Variants in PHIP observed in about 807,000 individuals in gnomAD.
PHIP encodes the protein PHIP subunit of CUL4-Ring ligase complex.
A neutral mutation model predicts 236.8 loss-of-function variants in PHIP; 54 were observed. The observed-to-expected ratio is 0.23, with a 90% CI of 0.18 to 0.29. The LOEUF (loss-of-function observed/expected upper bound fraction) is 0.29, where lower values mean the gene tolerates loss of function less well. Among genes scored for constraint, PHIP ranks in the 10% least tolerant of loss-of-function variants. The probability of loss-of-function intolerance (pLI) is 1.00; values close to 1 mark genes in which losing one functional copy is unlikely to be tolerated. For synonymous variants in PHIP, 756 were observed against 718.9 expected, an observed-to-expected ratio of 1.05 and a Z score of -0.83; for missense variants, 1,370 against 2,190.8, an observed-to-expected ratio of 0.63 and a Z score of 7.48.
In PHIP at chr6:79,039,515, T is replaced by C. The variant is rs116342753; in HGVS notation, c.600+3328A>G. Among the ~76,000 whole-genome samples, 892 of 152,272 alleles carry C rather than the reference T, an allele frequency of 5.9e-3. 4 individuals carry two copies. Among genetic ancestry groups the C allele is most frequent in the African/African-American group, 0.02 (822 of 41,564 alleles). On this transcript the variant is annotated intron_variant, in intron 7 of 39. Transcript: ENST00000275034. ...TCAAGGTTTTATCACATTATATCAA[T>C]ATTGTTTGTTTACCATCTGTGAACT...
rs530352454 is a variant in PHIP, at chr6:78,949,770, T to C, written c.4054-1995A>G. Among the ~76,000 whole-genome samples, 3 of 152,078 alleles carry C rather than the reference T, an allele frequency of 2.0e-5. No individual in the cohort carries two copies. In the South Asian group the frequency reaches 6.2e-4, roughly 32 times the overall value. On this transcript the variant is annotated intron_variant, in intron 35 of 39. Coordinates refer to ENST00000275034, the MANE Select transcript of PHIP (RefSeq NM_017934.7). ...GTGGTATCATCTTGGCTCACTGCAA[T>C]GTCTACCTCCCAGGCTCAAGCAATC...
At chr6:79,067,298 CT>C (rs1160415613) in intron 4 of PHIP, among the ~76,000 whole-genome samples, 1 of 152,202 alleles carries the variant, frequency 6.6e-6, no homozygotes, top group African/African-American at 2.4e-5. Context: ...CCTCTACTGG[CT>C]AAACCAGGAG....
chr6:78,956,989 C>A (rs956155472), intron 32 of PHIP: 2 of 151,856 alleles, frequency 1.3e-5, no homozygotes, highest in Non-Finnish European at 2.9e-5. Context: ...GTATAATAAT[C>A]AAAATTTCAA....
intron 7 of PHIP, among the ~76,000 whole-genome samples, chr6:79,032,241 A>G (rs4565265): frequency 0.45 from 68,276 of 152,068 alleles, 15,983 homozygotes; most frequent in East Asian, 0.69. Context: ...ATCAGGGTGG[A>G]GTTGCTGAAG....
At chr6:78,941,719 T>C (rs1452470538) in intron 39 of PHIP, among the ~76,000 whole-genome samples, 1 of 152,134 alleles carries the variant, frequency 6.6e-6, no homozygotes, top group Non-Finnish European at 1.5e-5. Context: ...ATGGCAGTTT[T>C]CACAGGCTTT....
chr6:78,988,467 AGTCCCAGCTACTTG>A, intron 20 of PHIP, 118 bp from the exon 21 acceptor site: 1 of 638,270 alleles, frequency 1.6e-6, no homozygotes, highest in Non-Finnish European at 2.5e-6. Context: ...GCATGCCTAT[AGTCCCAGCTACTTG>A]GGAAGATTGC....
intron 26 of PHIP, 58 bp from the exon 27 acceptor site, chr6:78,969,975 G>A: frequency 6.3e-7 from 1 of 1,581,518 alleles, no homozygotes; most frequent in Non-Finnish European, 8.7e-7. Context: ...CCTAAAAGAT[G>A]TTCAAATGTA....
chr6:79,029,963 T>G (rs1771590300), intron 7 of PHIP, among the ~76,000 whole-genome samples: 1 of 152,150 alleles, frequency 6.6e-6, no homozygotes, highest in Non-Finnish European at 1.5e-5. Flanking sequence ...CTAAGATCAA[T>G]AAGCCAAAGA....
intron 37 of PHIP, 81 bp from the exon 38 acceptor site, chr6:78,946,341 A>G: frequency 2.1e-6 from 3 of 1,448,062 alleles, no homozygotes; most frequent in Non-Finnish European, 2.8e-6. Context: ...TTTGGATTCA[A>G]TATTTGTACT....
At chr6:78,961,886 A>G in intron 30 of PHIP, 76 bp from the exon 31 acceptor site, 1 of 1,134,198 alleles carries the variant, frequency 8.8e-7, no homozygotes, top group Non-Finnish European at 1.3e-6. Flanking sequence ...GCTTGAATTA[A>G]GACTTAAAAA....
At chr6:79,044,109 C>A (rs1233523608) in intron 6 of PHIP, among the ~76,000 whole-genome samples, 1 of 151,890 alleles carries the variant, frequency 6.6e-6, no homozygotes, top group African/African-American at 2.4e-5. Flanking sequence ...CACCCCAAAC[C>A]CCCAAAAAAT....
At chr6:79,000,198 G>T (rs1391394377) in intron 17 of PHIP, among the ~76,000 whole-genome samples, 1 of 151,764 alleles carries the variant, frequency 6.6e-6, no homozygotes, top group Non-Finnish European at 1.5e-5. Context: ...TCTAAAATAT[G>T]ACAAAAAAAG....
chr6:79,050,953 G>T (rs555190836), intron 6 of PHIP, among the ~76,000 whole-genome samples: 2 of 152,144 alleles, frequency 1.3e-5, no homozygotes, highest in Admixed American at 6.5e-5. Flanking sequence ...CAACTTTGTT[G>T]TAAGATTTGT....
chr6:79,005,609 C>A (rs1033975394), intron 15 of PHIP, among the ~76,000 whole-genome samples: 2 of 151,582 alleles, frequency 1.3e-5, no homozygotes, highest in Admixed American at 1.3e-4. Context: ...TTCACAGAAG[C>A]CAAGAGAGAG....
intron 27 of PHIP, among the ~76,000 whole-genome samples, chr6:78,969,015 G>C (rs570676191): frequency 6.6e-6 from 1 of 152,204 alleles, no homozygotes; most frequent in African/African-American, 2.4e-5. Context: ...GTTTCCTGAG[G>C]GGATTCCATT....
chr6:79,066,234 AAAGT>A (rs1179008079), intron 4 of PHIP, among the ~76,000 whole-genome samples: 1 of 152,164 alleles, frequency 6.6e-6, no homozygotes, highest in East Asian at 1.9e-4. Flanking sequence ...ACCAGATTAT[AAAGT>A]CAGTGTGATA....
At position 78,971,663 on chromosome 6, in the gene PHIP, G is replaced by A. The variant is rs180832890; in HGVS notation, c.2890-775C>T. On this transcript the variant is annotated intron_variant, in intron 24 of 39. Coordinates refer to ENST00000275034, the MANE Select transcript of PHIP (RefSeq NM_017934.7). ...TGCCAGACAGTGGGCGCAGGTCAGT[G>A]GGTGCGCGCACCGTGTGCGAGCCGA... Among the ~76,000 whole-genome samples the A allele has an allele frequency of 6.2e-4, 95 of 152,212 alleles. 1 individual carries two copies. In the South Asian group the frequency reaches 7.9e-3, roughly 13 times the overall value.
intron 27 of PHIP, among the ~76,000 whole-genome samples, chr6:78,968,557 A>T (rs565046165): frequency 6.6e-6 from 1 of 152,230 alleles, no homozygotes; most frequent in African/African-American, 2.4e-5. Flanking sequence ...GAGGTCCTGG[A>T]AGTAATTCCC....
At chr6:79,077,252 C>T (rs929089761) in intron 4 of PHIP, among the ~76,000 whole-genome samples, 196 bp downstream of exon 4, 4 of 152,012 alleles carry the variant, frequency 2.6e-5, no homozygotes, top group African/African-American at 4.8e-5. Flanking sequence ...TGTCCGCAGC[C>T]CCTGCGGCCC....
Sources: allele counts gnomAD v4.1 joint callset (sites outside exome capture counted in the v4.1 genomes callset), GRCh38; gene constraint gnomAD v4.1.1; transcripts MANE v1.5; gene names NCBI Gene and HGNC (gene_info 2026-07-23, HGNC 2026-07-21).